Variants in SPTBN2 observed in about 807,000 individuals in gnomAD.
SPTBN2 encodes the protein spectrin beta, non-erythrocytic 2.
In SPTBN2, 107 loss-of-function variants were observed where a neutral mutation model predicts 284.2. The observed-to-expected ratio is 0.38, with a 90% CI of 0.32 to 0.44. SPTBN2 has a LOEUF of 0.44. Ranked by LOEUF, SPTBN2 falls within the 20% of genes least tolerant of loss-of-function variation. The pLI is 1.00. For synonymous variants in SPTBN2, 1,289 were observed against 1,354.8 expected, an observed-to-expected ratio of 0.95 and a Z score of 1.07; for missense variants, 2,569 against 3,287.1, an observed-to-expected ratio of 0.78 and a Z score of 5.34.
intron 1 of SPTBN2, among the ~76,000 whole-genome samples, chr11:66,743,856 G>A (rs922067412): frequency 1.3e-5 from 2 of 152,104 alleles, no homozygotes; most frequent in Non-Finnish European, 2.9e-5. Context: ...GTAAAAGACG[G>A]GGGGTCGTTT....
At chr11:66,686,335 G>A (rs1565106883) in intron 37 of SPTBN2, 63 bp downstream of exon 37, 1 of 1,594,594 alleles carries the variant, frequency 6.3e-7, no homozygotes, top group South Asian at 1.1e-5. Flanking sequence ...GGAAAGAAGG[G>A]GAGTCTGCAG....
In SPTBN2 at chr11:66,700,965, G is replaced by T; in HGVS notation, c.3134C>A (p.Thr1045Asn). The change falls in exon 17 of 38, where the codon ACC (threonine) becomes AAC (asparagine). Residue 1045 changes from threonine (T) to asparagine (N), a missense_variant. Thr to Asn is a moderately conservative substitution (Grantham distance 65, BLOSUM62 0). Transcript: ENST00000533211. This position sits in a 1 kb window ranked among gnomAD's most constrained non-coding sequence, Gnocchi z 6.6. The part of the protein sequence containing the change: ...AINARLREVQ[T>N]GWEDLRATMR... ...GGTGGCCCTGAGGTCCTCCCAGCCG[G>T]TCTGCACCTCTCTCAGCCGGGCGTT... 6.2e-7 allele frequency: 1 copy of T among 1,606,062 alleles called. No homozygotes were observed. The highest frequency in any genetic ancestry group is 8.5e-7 in the Non-Finnish European group (1 of 1,179,864).
intron 1 of SPTBN2, among the ~76,000 whole-genome samples, chr11:66,727,148 T>C (rs1224165659): frequency 2.0e-5 from 3 of 152,238 alleles, no homozygotes; most frequent in Non-Finnish European, 4.4e-5. Flanking sequence ...AAGGGAAGAA[T>C]GTAAACTCCA....
Position 66,715,237 on chromosome 11 carries a change from G to A in SPTBN2, c.468C>T (p.Ile156=). The A allele has an allele frequency of 6.2e-7, 1 of 1,614,234 alleles. No homozygotes were observed. Among genetic ancestry groups the A allele is most frequent in the Non-Finnish European group, 8.5e-7 (1 of 1,180,052 alleles). Residue 156 remains isoleucine (I), a synonymous_variant, in exon 5 of 38, where the codon ATC becomes ATT. Transcript: ENST00000533211. The surrounding 1 kb of genome is among the most constrained non-coding windows in gnomAD (Gnocchi z 5.3). The part of the protein sequence containing the change: ...HRLTLGLVWT[I]ILRFQIQDIS... Reference sequence around the variant, plus strand: ...GCTGGGGTACCTGGAATCGAAGGATGATGGTCCAGACCAGCCCAAGGGTCA... The same window carrying A: ...GCTGGGGTACCTGGAATCGAAGGATAATGGTCCAGACCAGCCCAAGGGTCA...
At position 66,691,937 on chromosome 11, in the gene SPTBN2, C is replaced by T. The variant is rs191075840; in HGVS notation, c.5191-279G>A. ...CCTAACTATGGTCCATATTTCTGTA[C>T]GACTGAGGGTCCAAGCCCCCAAACT... On this transcript the variant is annotated intron_variant, in intron 26 of 37. Transcript: ENST00000533211. The surrounding 1 kb of genome is among the most constrained non-coding windows in gnomAD (Gnocchi z 8.0). Among the ~76,000 whole-genome samples the T allele has an allele frequency of 1.2e-4, 19 of 152,278 alleles. No homozygotes were observed. The highest frequency in any genetic ancestry group is 4.6e-4 in the Admixed American group (7 of 15,296).
At chr11:66,720,962 G>C in intron 3 of SPTBN2, 122 bp downstream of exon 3, 1 of 1,335,608 alleles carries the variant, frequency 7.5e-7, no homozygotes, top group Non-Finnish European at 1.0e-6. Context: ...AATTGATAGA[G>C]TGCTCTGGGT....
In SPTBN2 at chr11:66,707,527, C is replaced by T. The variant is rs1178242440; in HGVS notation, c.1642G>A (p.Glu548Lys). 1 of 1,605,218 alleles carries T rather than the reference C, an allele frequency of 6.2e-7. No homozygotes were observed. Among genetic ancestry groups the T allele is most frequent in the African/African-American group, 1.3e-5 (1 of 74,964 alleles). Residue 548 changes from glutamate to lysine, a missense_variant, in exon 13 of 38, where the codon GAA (glutamate) becomes AAA (lysine). Coordinates refer to ENST00000533211, the MANE Select transcript of SPTBN2 (RefSeq NM_006946.4). This position sits in a 1 kb window ranked among gnomAD's most constrained non-coding sequence, Gnocchi z 4.9. ...QDLLYLMDWMEEMKGRLQSQD... is the reference protein window; with the variant it reads ...QDLLYLMDWMKEMKGRLQSQD... ...CGCCTCACTGGTACCTTCATCTCTTCCATCCAGTCCATGAGGTAGAGCAGG... is the reference window on the plus strand; with the variant it reads ...CGCCTCACTGGTACCTTCATCTCTTTCATCCAGTCCATGAGGTAGAGCAGG...
chr11:66,686,569 A>T, intron 36 of SPTBN2, 129 bp from the exon 37 acceptor site: 2 of 990,262 alleles, frequency 2.0e-6, no homozygotes, highest in Non-Finnish European at 3.2e-6. Context: ...GCCGGACCAG[A>T]CACGCTCTGC....
At chr11:66,740,648 G>A (rs917804338) in intron 1 of SPTBN2, among the ~76,000 whole-genome samples, 1 of 152,176 alleles carries the variant, frequency 6.6e-6, no homozygotes, top group Non-Finnish European at 1.5e-5. Context: ...CCGGTTATGG[G>A]AACTGGTATG....
chr11:66,699,885 GCTTT>G lies in SPTBN2; in HGVS notation c.3574-281_3574-278del, dbSNP rs370563998. On this transcript the variant is annotated intron_variant, in intron 17 of 37. Transcript: ENST00000533211. ...ATTTAACAGTTACATGACAAACTGG[GCTTT>G]CTATTTCTTCTAAAGTCAGTTTTAG... 4.7e-4 allele frequency among the ~76,000 whole-genome samples: 71 copies of G among 152,258 alleles called. No individual in the cohort carries two copies. The East Asian group carries it at 0.011, about 23-fold the overall frequency.
chr11:66,688,604 G>A, intron 31 of SPTBN2, 49 bp downstream of exon 31: 1 of 1,608,848 alleles, frequency 6.2e-7, no homozygotes, highest in Non-Finnish European at 8.5e-7. Context: ...AGCCAGCACA[G>A]GTCAGGGGAG....
rs752447019 is a variant in SPTBN2, at chr11:66,715,804, C to A, written c.309+26G>T. 4.4e-5 allele frequency: 71 copies of A among 1,613,098 alleles called. No individual in the cohort carries two copies. The highest frequency in any genetic ancestry group is 5.6e-5 in the Non-Finnish European group (66 of 1,179,774). On this transcript the variant is annotated intron_variant, in intron 4 of 37. Coordinates refer to ENST00000533211, the MANE Select transcript of SPTBN2 (RefSeq NM_006946.4). This position sits in a 1 kb window ranked among gnomAD's most constrained non-coding sequence, Gnocchi z 5.3. ...CTTGGACACTTTTCTAAGGCCCCCC[C>A]ACTTCCCTTCATGACCACAGCTCAC...
intron 17 of SPTBN2, among the ~76,000 whole-genome samples, chr11:66,699,929 G>A (rs1420935940): frequency 6.6e-6 from 1 of 151,980 alleles, no homozygotes; most frequent in East Asian, 1.9e-4. Flanking sequence ...TTATATTCAC[G>A]TCTTTTTCAT....
chr11:66,714,290 G>A, intron 6 of SPTBN2, 26 bp downstream of exon 6: 1 of 1,612,834 alleles, frequency 6.2e-7, no homozygotes, highest in South Asian at 1.1e-5. Context: ...TGACCCTCCA[G>A]TGCCACACGC....
At chr11:66,736,310 A>G (rs1565166611) in intron 1 of SPTBN2, among the ~76,000 whole-genome samples, 1 of 152,224 alleles carries the variant, frequency 6.6e-6, no homozygotes. Context: ...AACCGATTTG[A>G]GAACATGGAA....
Position 66,693,936 on chromosome 11 carries a change from G to GA in SPTBN2, c.4504-76dup. The GA allele has an allele frequency of 6.9e-7, 1 of 1,442,080 alleles. No homozygotes were observed. The highest frequency in any genetic ancestry group is 2.3e-5 in the East Asian group (1 of 42,656). 89.3% of individuals were successfully genotyped at this position (1,442,080 alleles called of 1,614,324 possible). A position where few individuals can be genotyped will look rare whatever the true frequency, so the allele number is the denominator to read the frequency against. On this transcript the variant is annotated intron_variant, in intron 22 of 37. Transcript: ENST00000533211. The surrounding 1 kb of genome is among the most constrained non-coding windows in gnomAD (Gnocchi z 5.7). ...GCAGGGACTGATTAGTGGGAGTGGG[G>GA]ACACCTGGGGCTACCGCCCTGTGTG...
intron 21 of SPTBN2, among the ~76,000 whole-genome samples, chr11:66,696,031 C>A (rs1249366835): frequency 6.6e-6 from 1 of 152,198 alleles, no homozygotes; most frequent in Non-Finnish European, 1.5e-5. Context: ...GCCACTGTGC[C>A]TGGCCTAATT....
rs947062254 is a variant in SPTBN2 at position 66,684,103 on chromosome 11, C to T, written c.*1768G>A. Reference sequence around the variant, plus strand: ...GCCTGCACACACCTAACTCGGTCTTCGTCATGACTGATGATAGGCCCGCAG... The same window carrying T: ...GCCTGCACACACCTAACTCGGTCTTTGTCATGACTGATGATAGGCCCGCAG... On this transcript the variant is annotated 3_prime_UTR_variant, in exon 38 of 38. Coordinates refer to ENST00000533211, the MANE Select transcript of SPTBN2 (RefSeq NM_006946.4). Among the ~76,000 whole-genome samples, 5 of 152,182 alleles carry T rather than the reference C, an allele frequency of 3.3e-5. No individual in the cohort carries two copies. Among genetic ancestry groups the T allele is most frequent in the African/African-American group, 7.2e-5 (3 of 41,422 alleles).
chr11:66,736,614 AC>A (rs1942852310), intron 1 of SPTBN2, among the ~76,000 whole-genome samples: 1 of 152,236 alleles, frequency 6.6e-6, no homozygotes, highest in African/African-American at 2.4e-5. Context: ...AATAAGAAAA[AC>A]AAGAAAAGAA....
Sources: allele counts gnomAD v4.1 joint callset (sites outside exome capture counted in the v4.1 genomes callset), GRCh38; gene constraint gnomAD v4.1.1; non-coding constraint Gnocchi (gnomAD v3.1); transcripts MANE v1.5; gene names NCBI Gene and HGNC (gene_info 2026-07-23, HGNC 2026-07-21).